Variants in DHRS12 observed in about 807,000 individuals in gnomAD.
The protein encoded by DHRS12 is dehydrogenase/reductase SDR family member 12.
In DHRS12, 29 loss-of-function variants were observed where a neutral mutation model predicts 32.1. The ratio of observed to expected loss-of-function variants is 0.90; its 90% CI spans 0.67 to 1.23. The LOEUF (loss-of-function observed/expected upper bound fraction) is 1.23, where lower values mean the gene tolerates loss of function less well. Among genes scored for constraint, DHRS12 ranks in the 50% most tolerant of loss-of-function variants. The pLI is 0.00. For missense variants in DHRS12, 330 were observed against 337.2 expected (o/e 0.98, Z 0.17); for synonymous variants, 150 against 135.9 (o/e 1.10, Z -0.72).
At chr13:51,760,979 A>G in the DHRS12 span, 1 of 152,226 alleles carries the variant, frequency 6.6e-6, no homozygotes, top group Non-Finnish European at 1.5e-5. Context: ...AGTGTCTTTA[A>G]GTTGTGTTTT....
At position 51,768,034 on chromosome 13, in the gene DHRS12, G is replaced by A. The variant is rs1219386337; in HGVS notation, c.*153C>T. The A allele has an allele frequency of 7.0e-7, 1 of 1,429,908 alleles. No homozygotes were observed. Among genetic ancestry groups the A allele is most frequent in the East Asian group, 2.5e-5 (1 of 39,682 alleles). The allele number at this position is 1,429,908 out of a possible 1,614,324, so 88.6% of individuals were successfully genotyped here. On this transcript the variant is annotated 3_prime_UTR_variant, in exon 9 of 9. Transcript: ENST00000444610. ...TCACAGCCTCGGTAGTATTTATTTTGAAATAAAAGTTCCCATCCCTTGTAG... is the reference window on the plus strand; with the variant it reads ...TCACAGCCTCGGTAGTATTTATTTTAAAATAAAAGTTCCCATCCCTTGTAG...
At chr13:51,795,874 C>G (rs985697295) in intron 2 of DHRS12, among the ~76,000 whole-genome samples, 2 of 152,100 alleles carry the variant, frequency 1.3e-5, no homozygotes, top group African/African-American at 4.8e-5. Flanking sequence ...TACTATTTGT[C>G]CCCCAACCCA....
Position 51,769,242 on chromosome 13 carries a change from C to A in DHRS12, c.611G>T (p.Arg204Leu), listed in dbSNP as rs1194665679. 3 of 1,590,030 alleles carry A rather than the reference C, an allele frequency of 1.9e-6. No homozygotes were observed. The highest frequency in any genetic ancestry group is 2.3e-5 in the East Asian group (1 of 43,964). Residue 204 changes from arginine to leucine, a missense_variant, in exon 8 of 9, where the codon CGC becomes CTC. By Grantham distance (102) the Arg-to-Leu change is moderately radical. Transcript: ENST00000444610. Reference sequence around the variant, plus strand: ...GGTGTCCGCGCCCTGGGCCTCGGAGCGCAGGCGGTCCCCGAACCTGGCGTG... The same window carrying A: ...GGTGTCCGCGCCCTGGGCCTCGGAGAGCAGGCGGTCCCCGAACCTGGCGTG... ...GFHARFGDRL[R>L]SEAQGADTML... is the part of the protein sequence containing the mutation.
chr13:51,761,129 CT>C, the DHRS12 span: 1 of 152,190 alleles, frequency 6.6e-6, no homozygotes, highest in East Asian at 1.9e-4. Flanking sequence ...CATCAGAACA[CT>C]TTGCACACTT....
chr13:51,802,195 ACACACACACACACACACACACAC>A (rs903505076), intron 1 of DHRS12, among the ~76,000 whole-genome samples: 25 of 142,676 alleles, frequency 1.8e-4, no homozygotes, highest in Admixed American at 9.7e-4. Flanking sequence ...ACACACACAC[ACACACACACACACACACACACAC>A]GACTTTCCCA....
At chr13:51,801,975 G>C (rs1025643932) in intron 1 of DHRS12, among the ~76,000 whole-genome samples, 3 of 152,262 alleles carry the variant, frequency 2.0e-5, no homozygotes, top group African/African-American at 2.4e-5. Flanking sequence ...CTGCCAAGCG[G>C]GCAGTACCAG....
At chr13:51,772,190 C>G (rs1412238659) in intron 6 of DHRS12, among the ~76,000 whole-genome samples, 2 of 152,136 alleles carry the variant, frequency 1.3e-5, no homozygotes, top group Admixed American at 6.5e-5. Flanking sequence ...CATGAAATTA[C>G]ACCCCTCAGT....
intron 1 of DHRS12, 59 bp downstream of exon 1, chr13:51,803,995 C>T (rs934169825): frequency 5.1e-5 from 72 of 1,398,838 alleles, no homozygotes; most frequent in Non-Finnish European, 6.3e-5. Flanking sequence ...CCCTGCTCGC[C>T]CGCGCCGAGG....
chr13:51,788,602 T>C (rs1955107635), intron 4 of DHRS12, among the ~76,000 whole-genome samples: 1 of 151,994 alleles, frequency 6.6e-6, no homozygotes, highest in South Asian at 2.1e-4. Context: ...CCCAATACTT[T>C]GGGAGGCTGA....
At chr13:51,766,460 G>C (rs1399868222), downstream of DHRS12, 2 of 152,096 alleles carry the variant, frequency 1.3e-5, no homozygotes, top group Non-Finnish European at 2.9e-5. Flanking sequence ...ATTCTTCAGG[G>C]GGTCAGGCTG....
At chr13:51,756,286 A>T in the DHRS12 span, 1 of 1,578,210 alleles carries the variant, frequency 6.3e-7, no homozygotes, top group Non-Finnish European at 8.6e-7. Context: ...GGGCCTCAGG[A>T]GCTGAGGGAG....
chr13:51,761,056 C>T, the DHRS12 span: 1 of 152,224 alleles, frequency 6.6e-6, no homozygotes. Context: ...TGCTGTATTC[C>T]TCGCCCTCTG....
rs748129392 is a variant in DHRS12, at chr13:51,799,632, G to A, written c.28C>T (p.Leu10Phe). The part of the protein sequence containing the change: MNLHVKTLS[L>F]MTWRSRFLEE... ...AGGAATCTGGACCTCCAAGTCATGA[G>A]GGACAAAGTCTTTACATGCAGATTC... Residue 10 changes from leucine to phenylalanine, a missense_variant, in exon 2 of 9, where the codon CTC (leucine) becomes TTC (phenylalanine). Transcript: ENST00000444610. 6 of 1,614,116 alleles carry A rather than the reference G, an allele frequency of 3.7e-6. No homozygotes were observed. The highest frequency in any genetic ancestry group is 2.2e-5 in the South Asian group (2 of 91,086).
At chr13:51,779,253 G>A (rs1025825068) in intron 4 of DHRS12, among the ~76,000 whole-genome samples, 6 of 152,108 alleles carry the variant, frequency 3.9e-5, no homozygotes, top group African/African-American at 1.4e-4. Flanking sequence ...TCAACACTCT[G>A]GCCCCCATTG....
intron 2 of DHRS12, among the ~76,000 whole-genome samples, chr13:51,791,826 C>T (rs181900094): frequency 2.3e-4 from 35 of 152,350 alleles, no homozygotes; most frequent in African/African-American, 8.4e-4. Context: ...AGTACTATGG[C>T]TACCTCACAT....
At chr13:51,759,114 G>A in the DHRS12 span, among the ~76,000 whole-genome samples, 6 of 152,214 alleles carry the variant, frequency 3.9e-5, no homozygotes, top group East Asian at 1.9e-4. Context: ...CCAGTAAGTC[G>A]AGGCTGCAGT....
At chr13:51,768,838 C>T in intron 8 of DHRS12, 1 of 1,325,790 alleles carries the variant, frequency 7.5e-7, no homozygotes, top group Non-Finnish European at 9.6e-7. Context: ...TGCAGTGCAG[C>T]TTTGAATAGC....
At chr13:51,794,775 T>C (rs942498854) in intron 2 of DHRS12, among the ~76,000 whole-genome samples, 3 of 143,730 alleles carry the variant, frequency 2.1e-5, no homozygotes, top group Non-Finnish European at 4.5e-5. Context: ...TCTCAAAAAA[T>C]AATACATAAA....
At chr13:51,787,901 TA>T (rs1389910595) in intron 4 of DHRS12, among the ~76,000 whole-genome samples, 22 of 129,426 alleles carry the variant, frequency 1.7e-4, no homozygotes, top group East Asian at 6.1e-4. Context: ...TAAATATATA[TA>T]AAAATATATA....
Sources: gnomAD v4.1 joint callset for allele counts (sites outside exome capture counted in the v4.1 genomes callset) on GRCh38, gnomAD v4.1.1 for gene constraint, MANE v1.5 for transcripts, NCBI Gene and HGNC (gene_info 2026-07-23, HGNC 2026-07-21) for gene names.